Variants in LYPD6B observed in about 807,000 individuals in gnomAD.
LYPD6B encodes ly6/PLAUR domain-containing protein 6B.
In LYPD6B, 17 loss-of-function variants were observed where a neutral mutation model predicts 22.8. That is an observed-to-expected ratio of 0.75 (90% CI 0.51 to 1.12). The LOEUF (loss-of-function observed/expected upper bound fraction) is 1.12. Among genes scored for constraint, LYPD6B ranks in the 50% most tolerant of loss-of-function variants. The probability of loss-of-function intolerance (pLI) is 0.00; values close to 1 mark genes in which losing one functional copy is unlikely to be tolerated. For synonymous variants in LYPD6B, 106 were observed against 91.6 expected (o/e 1.16, Z -0.90); for missense variants, 221 against 258.3 (o/e 0.86, Z 0.99).
chr2:149,215,126 T>G lies in LYPD6B; in HGVS notation c.*416T>G, dbSNP rs1354845549. The G allele has an allele frequency of 6.2e-6, 1 of 160,430 alleles. No individual in the cohort carries two copies. The highest frequency in any genetic ancestry group is 1.4e-5 in the Non-Finnish European group (1 of 73,580). 9.9% of individuals were successfully genotyped at this position (160,430 alleles called of 1,614,324 possible). A position where few individuals can be genotyped will look rare whatever the true frequency, so the allele number is the denominator to read the frequency against. ...CTATGAAATCTAACCCTTCCCCTCA[T>G]GAGAAAGCAGTTTTCCCCACCAACA... On this transcript the variant is annotated 3_prime_UTR_variant, in exon 7 of 7. Transcript: ENST00000409642.
At chr2:149,087,803 C>T (rs762306324) in intron 1 of LYPD6B, among the ~76,000 whole-genome samples, 1 of 152,120 alleles carries the variant, frequency 6.6e-6, no homozygotes, top group African/African-American at 2.4e-5. Context: ...GGCCCTATGC[C>T]GTGCATCTAC....
Position 149,128,134 on chromosome 2 carries a change from GT to G in LYPD6B, c.-66-2743del, listed in dbSNP as rs113587212. Among the ~76,000 whole-genome samples, 427 of 152,004 alleles carry G rather than the reference GT, an allele frequency of 2.8e-3. 2 individuals carry two copies. The highest frequency in any genetic ancestry group is 9.2e-3 in the African/African-American group (381 of 41,444). On this transcript the variant is annotated intron_variant, in intron 1 of 6. Coordinates refer to ENST00000409642, the MANE Select transcript of LYPD6B (RefSeq NM_177964.5). ...AACCTATTGCTTCTAAAATCTTTTT[GT>G]TTTTTCTTCTTGGAAATGATGTTGC...
At chr2:149,153,987 A>G in intron 2 of LYPD6B, 1 of 705,748 alleles carries the variant, frequency 1.4e-6, no homozygotes, top group South Asian at 6.3e-5. Flanking sequence ...AGATGACTCA[A>G]GAATTCAGCC....
intron 1 of LYPD6B, among the ~76,000 whole-genome samples, chr2:149,103,413 G>C (rs1686307904): frequency 6.6e-6 from 1 of 152,032 alleles, no homozygotes. Flanking sequence ...TTGCAATGAG[G>C]CCAAAATTTA....
chr2:149,170,838 T>C (rs1181250724), intron 3 of LYPD6B, among the ~76,000 whole-genome samples: 1 of 152,244 alleles, frequency 6.6e-6, no homozygotes, highest in Non-Finnish European at 1.5e-5. Context: ...TTCTGTCACC[T>C]TTCTTTGTCT....
intron 1 of LYPD6B, among the ~76,000 whole-genome samples, chr2:149,114,499 C>T (rs1172776248): frequency 2.0e-5 from 3 of 152,164 alleles, no homozygotes; most frequent in Non-Finnish European, 4.4e-5. Context: ...AGACTGGTTT[C>T]CATTAGAGCT....
intron 1 of LYPD6B, among the ~76,000 whole-genome samples, chr2:149,112,435 G>A (rs1292255694): frequency 6.6e-6 from 1 of 152,018 alleles, no homozygotes; most frequent in Non-Finnish European, 1.5e-5. Context: ...GTACGTTTAG[G>A]TTAAACAAAC....
intron 3 of LYPD6B, among the ~76,000 whole-genome samples, chr2:149,199,888 C>A (rs1178400788): frequency 1.3e-5 from 2 of 152,184 alleles, no homozygotes; most frequent in African/African-American, 4.8e-5. Flanking sequence ...CTGGTCTTGA[C>A]TAAGCCCCAC....
chr2:149,192,109 G>A (rs10930684), intron 3 of LYPD6B, among the ~76,000 whole-genome samples: 45,573 of 152,056 alleles, frequency 0.3, 8,616 homozygotes, highest in East Asian at 0.55. Flanking sequence ...CCTGCTCCAG[G>A]CAGATCACAG....
At chr2:149,123,047 A>C (rs1307725113) in intron 1 of LYPD6B, among the ~76,000 whole-genome samples, 2 of 152,206 alleles carry the variant, frequency 1.3e-5, no homozygotes, top group African/African-American at 4.8e-5. Context: ...TTCAAAGAGC[A>C]AATGCCCACA....
At chr2:149,145,039 AT>A (rs1402300826) in intron 2 of LYPD6B, among the ~76,000 whole-genome samples, 2 of 151,974 alleles carry the variant, frequency 1.3e-5, no homozygotes, top group Admixed American at 1.3e-4. Context: ...ATATGTGCAT[AT>A]TTTTTCTGGG....
chr2:149,055,088 C>T (rs1337442523), intron 1 of LYPD6B, among the ~76,000 whole-genome samples: 3 of 151,934 alleles, frequency 2.0e-5, no homozygotes, highest in Non-Finnish European at 4.4e-5. Context: ...GTTAGGAGTC[C>T]ACATTTATTC....
chr2:149,214,569 A>C lies in LYPD6B; in HGVS notation c.483A>C (p.Gly161=). The stretch of plus-strand genomic sequence containing the variant: ...AGGAGTGTAGGTCTTGCTGTGAAGG[A>C]ATGATCTGCAATGTAGAATTACCCA... The part of the protein sequence containing the change: ...EHTECRSCCE[G]MICNVELPTN... The change falls in exon 7 of 7, where the codon GGA becomes GGC. Residue 161 remains glycine, a synonymous_variant. Transcript: ENST00000409642. 6.2e-7 allele frequency: 1 copy of C among 1,610,634 alleles called. No homozygotes were observed. Among genetic ancestry groups the C allele is most frequent in the Non-Finnish European group, 8.5e-7 (1 of 1,178,532 alleles).
intron 1 of LYPD6B, among the ~76,000 whole-genome samples, chr2:149,082,411 A>G (rs1432711141): frequency 1.3e-5 from 2 of 152,184 alleles, no homozygotes; most frequent in Non-Finnish European, 2.9e-5. Flanking sequence ...CTCATGATAA[A>G]TGATTATAGA....
rs961619009 is a variant in LYPD6B, at chr2:149,107,658, C to T, written c.-66-23225C>T. Reference sequence around the variant, plus strand: ...TTTATGTAGATGTGTTGCTTCATTTCCAAATATTTGGGGGTTTCCTAGCTG... The same window carrying T: ...TTTATGTAGATGTGTTGCTTCATTTTCAAATATTTGGGGGTTTCCTAGCTG... On this transcript the variant is annotated intron_variant, in intron 1 of 6. Transcript: ENST00000409642. Among the ~76,000 whole-genome samples, 6 of 152,258 alleles carry T rather than the reference C, an allele frequency of 3.9e-5. No individual in the cohort carries two copies. In the East Asian group the frequency reaches 5.8e-4, roughly 15 times the overall value.
chr2:149,181,329 T>C (rs1262271114), intron 3 of LYPD6B, among the ~76,000 whole-genome samples: 2 of 151,896 alleles, frequency 1.3e-5, no homozygotes, highest in East Asian at 3.8e-4. Context: ...AATGGCTTAA[T>C]CCATGTTAAG....
chr2:149,160,445 T>G, intron 2 of LYPD6B: 1 of 486,486 alleles, frequency 2.1e-6, no homozygotes, highest in Non-Finnish European at 4.1e-6. Flanking sequence ...GCCAGCTCTT[T>G]GGTAAGCAGC....
chr2:149,113,035 T>C (rs926119121), intron 1 of LYPD6B, among the ~76,000 whole-genome samples: 15 of 152,176 alleles, frequency 9.9e-5, no homozygotes, highest in Non-Finnish European at 2.1e-4. Flanking sequence ...AATGAAAGTT[T>C]ACATGGTACC....
At chr2:149,146,619 A>G (rs564114) in intron 2 of LYPD6B, among the ~76,000 whole-genome samples, 96,454 of 151,686 alleles carry the variant, frequency 0.64, 30,777 homozygotes, top group South Asian at 0.75. Flanking sequence ...ATTTGGGAAG[A>G]CCCAGTAAAG....
Sources: allele counts gnomAD v4.1 joint callset (sites outside exome capture counted in the v4.1 genomes callset), GRCh38; gene constraint gnomAD v4.1.1; transcripts MANE v1.5; gene names NCBI Gene and HGNC (gene_info 2026-07-23, HGNC 2026-07-21).